ZNF24: variants seen among roughly 807,000 people sequenced by gnomAD.
The protein encoded by ZNF24 is retinoic acid suppression protein A.
In ZNF24, 11 loss-of-function variants were observed where a neutral mutation model predicts 40.9. The ratio of observed to expected loss-of-function variants is 0.27; its 90% CI spans 0.17 to 0.45. The LOEUF (loss-of-function observed/expected upper bound fraction) is 0.45, where lower values mean the gene tolerates loss of function less well. Among genes scored for constraint, ZNF24 ranks in the 20% least tolerant of loss-of-function variants. The probability of loss-of-function intolerance (pLI) is 1.00; values close to 1 mark genes in which losing one functional copy is unlikely to be tolerated. For missense variants in ZNF24, 293 were observed against 437.7 expected, an observed-to-expected ratio of 0.67 and a Z score of 2.95; for synonymous variants, 139 against 154.7, an observed-to-expected ratio of 0.90 and a Z score of 0.75.
rs762234105 is a variant in ZNF24, at chr18:35,340,305, G to A, written c.346C>T (p.His116Tyr). 1.9e-6 allele frequency: 3 copies of A among 1,614,216 alleles called. No individual in the cohort carries two copies. Among genetic ancestry groups the A allele is most frequent in the Admixed American group, 1.7e-5 (1 of 60,020 alleles). ...KELQTWVRDH[H>Y]PENGEEAVTV... ...ACTGCCTCCTCTCCATTCTCTGGAT[G>A]ATGATCTCGAACCCAAGTCTGTAGC... is the stretch of plus-strand genomic sequence containing the variant. The change falls in exon 2 of 4, where the codon CAT (histidine) becomes TAT (tyrosine). Residue 116 changes from histidine (H) to tyrosine (Y), a missense_variant. Physicochemically the swap from His to Tyr is moderately conservative, Grantham distance 83. Transcript: ENST00000261332. This position sits in a 1 kb window ranked among gnomAD's most constrained non-coding sequence, Gnocchi z 4.6.
chr18:35,342,097 G>A (rs2044973715), intron 1 of ZNF24, among the ~76,000 whole-genome samples: 1 of 152,040 alleles, frequency 6.6e-6, no homozygotes, highest in Non-Finnish European at 1.5e-5. Flanking sequence ...TGGGGAGATT[G>A]AGGCAGGAGA....
intron 3 of ZNF24, chr18:35,338,571 G>A (rs1179771583): frequency 1.0e-6 from 1 of 987,178 alleles, no homozygotes; most frequent in African/African-American, 1.7e-5. Context: ...ATGCCTTAAG[G>A]AGTAAAGATC....
chr18:35,338,153 T>A, intron 3 of ZNF24: 1 of 986,116 alleles, frequency 1.0e-6, no homozygotes, highest in Non-Finnish European at 1.2e-6. Flanking sequence ...TTCTTTTACT[T>A]TGAGAAAGGG....
intron 1 of ZNF24, chr18:35,342,474 C>A (rs1022670752): frequency 6.6e-6 from 1 of 151,924 alleles, no homozygotes; most frequent in African/African-American, 2.4e-5. Flanking sequence ...CACTCACTCA[C>A]TGACTTCTTA....
intron 1 of ZNF24, among the ~76,000 whole-genome samples, chr18:35,342,991 T>A (rs2044983393): frequency 6.6e-6 from 1 of 152,206 alleles, no homozygotes; most frequent in Non-Finnish European, 1.5e-5. Flanking sequence ...AGGATTGGTG[T>A]TTCCTGACAC....
rs1486169612 is a variant in ZNF24, at chr18:35,335,882, G to T, written c.*1350C>A. The stretch of plus-strand genomic sequence containing the variant: ...TGTAGGTACAACCTCAATGCTATTA[G>T]AGATTGATTAGTTCTTTAAAAAGAT... On this transcript the variant is annotated 3_prime_UTR_variant, in exon 4 of 4. Transcript: ENST00000261332. The T allele has an allele frequency of 6.6e-6, 1 of 152,132 alleles. No homozygotes were observed. The highest frequency in any genetic ancestry group is 1.9e-4 in the East Asian group (1 of 5,200). 9.4% of individuals were successfully genotyped at this position (152,132 alleles called of 1,614,324 possible). A position where few individuals can be genotyped will look rare whatever the true frequency, so the allele number is the denominator to read the frequency against.
intron 1 of ZNF24, among the ~76,000 whole-genome samples, chr18:35,341,926 G>A (rs539966786): frequency 2.6e-5 from 4 of 152,076 alleles, no homozygotes; most frequent in African/African-American, 9.7e-5. Context: ...TGCCGGGCAC[G>A]GTGGCTCAGG....
intron 3 of ZNF24, chr18:35,338,994 CCT>C: frequency 2.6e-6 from 4 of 1,534,542 alleles, no homozygotes; most frequent in Non-Finnish European, 3.5e-6. Flanking sequence ...GGCACTGTCC[CCT>C]CAGATGTGAA....
In ZNF24 at chr18:35,335,468, A is replaced by G. The variant is rs1569101233; in HGVS notation, c.*1764T>C. On this transcript the variant is annotated 3_prime_UTR_variant, in exon 4 of 4. Transcript: ENST00000261332. Reference sequence around the variant, plus strand: ...TTTTCCACCAGCTGGCCTTGCATTTATTACTATGCTTTTTAATAGGCTCAT... The same window carrying G: ...TTTTCCACCAGCTGGCCTTGCATTTGTTACTATGCTTTTTAATAGGCTCAT... 1 of 152,166 alleles carries G rather than the reference A, an allele frequency of 6.6e-6. No individual in the cohort carries two copies. Among genetic ancestry groups the G allele is most frequent in the Non-Finnish European group, 1.5e-5 (1 of 68,018 alleles). 9.4% of individuals were successfully genotyped at this position (152,166 alleles called of 1,614,324 possible).
intron 3 of ZNF24, 78 bp from the exon 4 acceptor site, chr18:35,337,848 T>C: frequency 8.0e-7 from 1 of 1,250,020 alleles, no homozygotes; most frequent in Non-Finnish European, 1.1e-6. Context: ...TTTTTTTTAA[T>C]GAACTAAAAT....
At chr18:35,342,274 G>C (rs1326507777) in intron 1 of ZNF24, among the ~76,000 whole-genome samples, 1 of 151,852 alleles carries the variant, frequency 6.6e-6, no homozygotes, top group Non-Finnish European at 1.5e-5. Flanking sequence ...TGTATTTTAA[G>C]TGAAGTGTTA....
At position 35,340,826 on chromosome 18, in the gene ZNF24, G is replaced by C; in HGVS notation, c.-83-93C>G. The C allele has an allele frequency of 1.6e-6, 1 of 638,206 alleles. No individual in the cohort carries two copies. Among genetic ancestry groups the C allele is most frequent in the South Asian group, 2.5e-5 (1 of 39,514 alleles). The allele number at this position is 638,206 out of a possible 1,614,324, so 39.5% of individuals were successfully genotyped here. On this transcript the variant is annotated intron_variant, in intron 1 of 3. Transcript: ENST00000261332. This position sits in a 1 kb window ranked among gnomAD's most constrained non-coding sequence, Gnocchi z 4.6. Reference sequence around the variant, plus strand: ...TAAAAGTAAAAGATACTTGTTCTTTGAGTTAAAAATTCCAATCAATAACCT... The same window carrying C: ...TAAAAGTAAAAGATACTTGTTCTTTCAGTTAAAAATTCCAATCAATAACCT...
rs570748652 is a variant in ZNF24 at position 35,338,603 on chromosome 18, C to A, written c.569-833G>T. ...GATCCAGTTCATATAGGGTTAGCAA[C>A]TGCCTTCAGCGAAGAGGAAAACAGT... On this transcript the variant is annotated intron_variant, in intron 3 of 3. Coordinates refer to ENST00000261332, the MANE Select transcript of ZNF24 (RefSeq NM_006965.4). The A allele has an allele frequency of 4.0e-6, 4 of 991,888 alleles. No homozygotes were observed. In the South Asian group the frequency reaches 1.8e-4, roughly 46 times the overall value. The allele number at this position is 991,888 out of a possible 1,614,324, so 61.4% of individuals were successfully genotyped here.
chr18:35,336,489 CT>C lies in ZNF24; in HGVS notation c.*742del. On this transcript the variant is annotated 3_prime_UTR_variant, in exon 4 of 4. Transcript: ENST00000261332. Reference sequence around the variant, plus strand: ...AACTGTTTATTATTTAGACTGTATGCTTTTTAATAATATATGGGAAAACATT... The same window carrying C: ...AACTGTTTATTATTTAGACTGTATGCTTTTAATAATATATGGGAAAACATT... 6.6e-6 allele frequency: 1 copy of C among 152,068 alleles called. No homozygotes were observed. The highest frequency in any genetic ancestry group is 1.5e-5 in the Non-Finnish European group (1 of 67,996). The allele number at this position is 152,068 out of a possible 1,614,324, so 9.4% of individuals were successfully genotyped here.
rs571645501 is a variant in ZNF24, at chr18:35,333,709, A to G, written c.*3523T>C. On this transcript the variant is annotated 3_prime_UTR_variant, in exon 4 of 4. Transcript: ENST00000261332. ...TGTAAATTGGTGAAATCTTTTTGGTAGTAGTTTTCAAAACTGCAAATGTGA... is the reference window on the plus strand; with the variant it reads ...TGTAAATTGGTGAAATCTTTTTGGTGGTAGTTTTCAAAACTGCAAATGTGA... 1.3e-5 allele frequency: 2 copies of G among 152,328 alleles called. No homozygotes were observed. The highest frequency in any genetic ancestry group is 3.9e-4 in the East Asian group (2 of 5,192). The allele number at this position is 152,328 out of a possible 1,614,324, so 9.4% of individuals were successfully genotyped here. A position where few individuals can be genotyped will look rare whatever the true frequency, so the allele number is the denominator to read the frequency against.
chr18:35,341,558 AG>A (rs1414766755), intron 1 of ZNF24, among the ~76,000 whole-genome samples: 2 of 152,352 alleles, frequency 1.3e-5, no homozygotes, highest in Admixed American at 1.3e-4. Flanking sequence ...GTATTACAGA[AG>A]GCACTGTTAT....
chr18:35,339,679 G>A, intron 3 of ZNF24, 150 bp downstream of exon 3: 1 of 602,972 alleles, frequency 1.7e-6, no homozygotes, highest in Admixed American at 3.5e-5. Flanking sequence ...TAAAAGGTCT[G>A]AGGCCAGCAA....
intron 1 of ZNF24, chr18:35,342,609 A>T (rs964531918): frequency 6.6e-6 from 1 of 152,000 alleles, no homozygotes; most frequent in African/African-American, 2.4e-5. Context: ...ATACACAAAT[A>T]GTTAGCATTG....
chr18:35,334,939 G>T lies in ZNF24; in HGVS notation c.*2293C>A, dbSNP rs919798922. ...CTTTCTGAACAATGCAGATATTAGA[G>T]CTGCCAAGACAAAAACAGTATTTGC... On this transcript the variant is annotated 3_prime_UTR_variant, in exon 4 of 4. Transcript: ENST00000261332. 6.6e-6 allele frequency: 1 copy of T among 152,066 alleles called. No homozygotes were observed. Among genetic ancestry groups the T allele is most frequent in the Non-Finnish European group, 1.5e-5 (1 of 68,004 alleles). 9.4% of individuals were successfully genotyped at this position (152,066 alleles called of 1,614,324 possible).
Sources: gnomAD v4.1 joint callset for allele counts (sites outside exome capture counted in the v4.1 genomes callset) on GRCh38, gnomAD v4.1.1 for gene constraint, Gnocchi (gnomAD v3.1) non-coding constraint, MANE v1.5 for transcripts, NCBI Gene and HGNC (gene_info 2026-07-23, HGNC 2026-07-21) for gene names.